Variants in USH2A observed in about 807,000 individuals in gnomAD.
The protein encoded by USH2A is Usher syndrome 2A (autosomal recessive, mild).
Under a neutral mutation model 538.9 loss-of-function variants are expected in USH2A, and 443 were observed. The observed-to-expected ratio is 0.82, with a 90% CI of 0.76 to 0.89. The LOEUF (loss-of-function observed/expected upper bound fraction) is 0.89, where lower values mean the gene tolerates loss of function less well. Among genes scored for constraint, USH2A ranks in the 40% least tolerant of loss-of-function variants. USH2A has a pLI of 0.00. For synonymous variants in USH2A, 2,413 were observed against 2,273.5 expected, an observed-to-expected ratio of 1.06 and a Z score of -1.75; for missense variants, 6,633 against 6,324.8, an observed-to-expected ratio of 1.05 and a Z score of -1.65.
chr1:216,284,041 T>C (rs1474118640), intron 11 of USH2A, among the ~76,000 whole-genome samples: 1 of 152,144 alleles, frequency 6.6e-6, no homozygotes, highest in Non-Finnish European at 1.5e-5. Flanking sequence ...TTCCTAATGA[T>C]GTTAATATGA....
chr1:215,809,644 G>A (rs1468275670), intron 49 of USH2A, among the ~76,000 whole-genome samples: 1 of 151,922 alleles, frequency 6.6e-6, no homozygotes, highest in African/African-American at 2.4e-5. Context: ...ACAGTTAATT[G>A]TTATTCTTAT....
chr1:216,212,939 C>A (rs954295168), intron 15 of USH2A, among the ~76,000 whole-genome samples: 3 of 151,964 alleles, frequency 2.0e-5, no homozygotes, highest in Non-Finnish European at 4.4e-5. Flanking sequence ...GAAAAGTGAT[C>A]ACACACAGAT....
At chr1:215,751,276 T>A (rs944836576) in intron 58 of USH2A, among the ~76,000 whole-genome samples, 1 of 151,248 alleles carries the variant, frequency 6.6e-6, no homozygotes, top group Non-Finnish European at 1.5e-5. Context: ...GCAATATTAA[T>A]AAAAATTATT....
intron 35 of USH2A, among the ~76,000 whole-genome samples, chr1:215,972,877 A>G (rs1336648530): frequency 2.0e-5 from 3 of 152,220 alleles, no homozygotes; most frequent in South Asian, 4.1e-4. Context: ...TATGGAAGGT[A>G]TTTGATTTAA....
At chr1:215,987,934 T>C (rs1347420089) in intron 35 of USH2A, among the ~76,000 whole-genome samples, 2 of 43,360 alleles carry the variant, frequency 4.6e-5, no homozygotes, top group African/African-American at 1.8e-4. Context: ...TGATTATTAA[T>C]CAGCAATTTT....
At chr1:215,949,467 A>G (rs551369025) in intron 37 of USH2A, among the ~76,000 whole-genome samples, 36 of 151,788 alleles carry the variant, frequency 2.4e-4, no homozygotes, top group African/African-American at 8.2e-4. Context: ...AGACCTTTTA[A>G]CAGAAATGAA....
intron 32 of USH2A, among the ~76,000 whole-genome samples, chr1:216,021,471 A>G (rs1360146708): frequency 6.6e-6 from 1 of 152,178 alleles, no homozygotes; most frequent in Non-Finnish European, 1.5e-5. Flanking sequence ...GCCATGTGGA[A>G]CAGTGAGTCA....
chr1:216,135,599 A>T (rs1166792884), intron 21 of USH2A, among the ~76,000 whole-genome samples: 1 of 152,168 alleles, frequency 6.6e-6, no homozygotes, highest in East Asian at 1.9e-4. Flanking sequence ...TATAACTGTT[A>T]TACTGTACAA....
chr1:215,930,594 A>G (rs1332017049), intron 38 of USH2A, among the ~76,000 whole-genome samples: 1 of 152,014 alleles, frequency 6.6e-6, no homozygotes, highest in Non-Finnish European at 1.5e-5. Context: ...TCCATCATTT[A>G]ACTACATGCA....
intron 32 of USH2A, among the ~76,000 whole-genome samples, chr1:216,030,080 T>G (rs1285826155): frequency 6.9e-6 from 1 of 145,924 alleles, no homozygotes; most frequent in Non-Finnish European, 1.5e-5. Flanking sequence ...TAATATATGA[T>G]ATATATGATA....
chr1:215,991,159 C>T (rs952964435), intron 35 of USH2A, among the ~76,000 whole-genome samples: 15 of 152,128 alleles, frequency 9.9e-5, no homozygotes, highest in African/African-American at 3.1e-4. Flanking sequence ...CAATTTTTGA[C>T]TCTAGGCCTA....
At chr1:216,074,123 A>T (rs899989461) in intron 27 of USH2A, among the ~76,000 whole-genome samples, 3 of 152,236 alleles carry the variant, frequency 2.0e-5, no homozygotes, top group Non-Finnish European at 4.4e-5. Context: ...GGATGAAATG[A>T]ATTTAGAGTA....
Position 216,368,734 on chromosome 1 carries a change from T to A in USH2A, c.652-3649A>T, listed in dbSNP as rs189079319. 5.9e-5 allele frequency among the ~76,000 whole-genome samples: 9 copies of A among 152,314 alleles called. No homozygotes were observed. The East Asian group carries it at 1.7e-3, about 29-fold the overall frequency. ...ACTTAAATACTGAATCTTAATGCAG[T>A]CAAGAAGGATTATCTTTTCCAAGGA... On this transcript the variant is annotated intron_variant, in intron 3 of 71. Transcript: ENST00000307340.
chr1:215,683,588 A>G (rs914727872), intron 61 of USH2A, among the ~76,000 whole-genome samples: 4 of 152,086 alleles, frequency 2.6e-5, no homozygotes, highest in African/African-American at 9.7e-5. Context: ...TGGATCTTAG[A>G]TGTTTTGGAT....
At chr1:216,012,276 A>G (rs1668593972) in intron 32 of USH2A, among the ~76,000 whole-genome samples, 1 of 152,074 alleles carries the variant, frequency 6.6e-6, no homozygotes, top group Admixed American at 6.6e-5. Flanking sequence ...TCCTCAAGGA[A>G]ATAACTTCTC....
At chr1:215,965,218 C>A in intron 37 of USH2A, 99 bp downstream of exon 37, 1 of 1,334,888 alleles carries the variant, frequency 7.5e-7, no homozygotes, top group East Asian at 2.5e-5. Flanking sequence ...AAACCAACAT[C>A]TGTGGCTAAA....
In USH2A at chr1:215,766,760, G is replaced by A. The variant is rs866178289; in HGVS notation, c.10968C>T (p.Phe3656=). Residue 3656 remains phenylalanine, a synonymous_variant, in exon 56 of 72, where the codon TTC becomes TTT. Coordinates refer to ENST00000307340, the MANE Select transcript of USH2A (RefSeq NM_206933.4). Reference sequence around the variant, plus strand: ...CAGCAGATGTACAAGCTGTAAGAGTGAAGCTGTAGTTGGTGTATGGCTGGA... The same window carrying A: ...CAGCAGATGTACAAGCTGTAAGAGTAAAGCTGTAGTTGGTGTATGGCTGGA... ...TGLQPYTNYS[F]TLTACTSAGC... is the part of the protein sequence containing the mutation. 6.2e-7 allele frequency: 1 copy of A among 1,613,636 alleles called. No individual in the cohort carries two copies. Among genetic ancestry groups the A allele is most frequent in the African/African-American group, 1.3e-5 (1 of 75,034 alleles).
At chr1:215,724,403 C>T (rs1268967666) in intron 61 of USH2A, among the ~76,000 whole-genome samples, 2 of 119,638 alleles carry the variant, frequency 1.7e-5, no homozygotes, top group South Asian at 2.8e-4. Flanking sequence ...AGTAGGACTA[C>T]ATAATATATA....
chr1:215,945,980 T>A (rs1666749059), intron 37 of USH2A, among the ~76,000 whole-genome samples: 1 of 152,198 alleles, frequency 6.6e-6, no homozygotes, highest in Non-Finnish European at 1.5e-5. Context: ...GAAAAACTAT[T>A]TATTTTTTAA....
Sources: allele counts gnomAD v4.1 joint callset (sites outside exome capture counted in the v4.1 genomes callset), GRCh38; gene constraint gnomAD v4.1.1; transcripts MANE v1.5; gene names NCBI Gene and HGNC (gene_info 2026-07-23, HGNC 2026-07-21).